Variants in TACR1 observed in about 807,000 individuals in gnomAD.
TACR1 encodes substance-P receptor.
Under a neutral mutation model 35.8 loss-of-function variants are expected in TACR1, and 25 were observed. The observed-to-expected ratio is 0.70, with a 90% CI of 0.51 to 0.98. TACR1 has a LOEUF of 0.98. Among genes scored for constraint, TACR1 ranks in the 50% least tolerant of loss-of-function variants. The pLI is 0.00. For synonymous variants in TACR1, 195 were observed against 206.7 expected, an observed-to-expected ratio of 0.94 and a Z score of 0.48; for missense variants, 478 against 522.9, an observed-to-expected ratio of 0.91 and a Z score of 0.84.
At chr2:75,147,134 T>C (rs1019277624) in intron 1 of TACR1, among the ~76,000 whole-genome samples, 2 of 152,348 alleles carry the variant, frequency 1.3e-5, no homozygotes, top group Admixed American at 6.5e-5. Context: ...ATTTTCCTGT[T>C]TGTCTAAGCA....
intron 2 of TACR1, among the ~76,000 whole-genome samples, chr2:75,071,804 C>T (rs1255875323): frequency 6.6e-6 from 1 of 152,150 alleles, no homozygotes; most frequent in Non-Finnish European, 1.5e-5. Flanking sequence ...AGTGCCTGCT[C>T]CATCAATGCT....
intron 1 of TACR1, among the ~76,000 whole-genome samples, chr2:75,186,628 A>T (rs1206636440): frequency 6.6e-6 from 1 of 150,878 alleles, no homozygotes; most frequent in Admixed American, 6.6e-5. Context: ...AATATTCAAT[A>T]GTAAGTTATT....
intron 2 of TACR1, among the ~76,000 whole-genome samples, chr2:75,093,718 A>T (rs907103654): frequency 6.6e-6 from 1 of 152,118 alleles, no homozygotes; most frequent in Non-Finnish European, 1.5e-5. Flanking sequence ...TGTTTGGCAG[A>T]TAGTCATTTA....
intron 3 of TACR1, among the ~76,000 whole-genome samples, chr2:75,052,884 G>A (rs570460336): frequency 1.3e-5 from 2 of 152,128 alleles, no homozygotes; most frequent in South Asian, 4.2e-4. Context: ...CTAATTGAAG[G>A]CCCTCGAGAA....
chr2:75,080,402 T>C (rs1673062456), intron 2 of TACR1, among the ~76,000 whole-genome samples: 3 of 152,174 alleles, frequency 2.0e-5, no homozygotes. Context: ...TCGCCATTGG[T>C]ATGCTCAAAA....
intron 1 of TACR1, among the ~76,000 whole-genome samples, chr2:75,190,587 T>C (rs1396304800): frequency 6.6e-6 from 1 of 152,242 alleles, no homozygotes; most frequent in Non-Finnish European, 1.5e-5. Context: ...GGCATAATAT[T>C]AATTACTATT....
chr2:75,175,493 A>G (rs1675390301), intron 1 of TACR1, among the ~76,000 whole-genome samples: 1 of 152,250 alleles, frequency 6.6e-6, no homozygotes, highest in Non-Finnish European at 1.5e-5. Flanking sequence ...ATGTCCTTGC[A>G]GAGACTCTAG....
At chr2:75,188,935 G>A (rs1180512677) in intron 1 of TACR1, 2 of 152,126 alleles carry the variant, frequency 1.3e-5, no homozygotes, top group East Asian at 3.8e-4. Context: ...AAAAAATCTG[G>A]CACATATTTT....
intron 2 of TACR1, among the ~76,000 whole-genome samples, chr2:75,114,290 A>G (rs1256383489): frequency 1.3e-5 from 2 of 152,260 alleles, no homozygotes; most frequent in African/African-American, 2.4e-5. Context: ...AAATTTAATT[A>G]TCAGAAAATG....
At chr2:75,050,916 G>A in intron 4 of TACR1, 1 of 343,456 alleles carries the variant, frequency 2.9e-6, no homozygotes, top group Non-Finnish European at 5.5e-6. Flanking sequence ...CTGGAGCCTG[G>A]ATCCAGCTTG....
At chr2:75,178,120 A>T (rs1217007610) in intron 1 of TACR1, among the ~76,000 whole-genome samples, 1 of 151,878 alleles carries the variant, frequency 6.6e-6, no homozygotes, top group East Asian at 1.9e-4. Flanking sequence ...CCATATGCTC[A>T]CTTAAAACCT....
chr2:75,126,980 T>G (rs1253518638), intron 1 of TACR1, among the ~76,000 whole-genome samples: 1 of 152,080 alleles, frequency 6.6e-6, no homozygotes, highest in Non-Finnish European at 1.5e-5. Context: ...TTTTGAAAAG[T>G]CAAAAAATAA....
chr2:75,114,363 A>G (rs916093449), intron 2 of TACR1, among the ~76,000 whole-genome samples: 14 of 152,104 alleles, frequency 9.2e-5, no homozygotes, highest in Non-Finnish European at 1.8e-4. Context: ...TCTAAATCTC[A>G]TTTTTTTGGA....
chr2:75,095,870 C>T (rs1673412136), intron 2 of TACR1, among the ~76,000 whole-genome samples: 2 of 152,166 alleles, frequency 1.3e-5, no homozygotes, highest in Admixed American at 1.3e-4. Flanking sequence ...TACAAGATGG[C>T]AGAGCCTCCA....
At chr2:75,198,236 A>G (rs907924396) in intron 1 of TACR1, among the ~76,000 whole-genome samples, 29 of 152,194 alleles carry the variant, frequency 1.9e-4, no homozygotes, top group African/African-American at 6.3e-4. Context: ...GAATATATGG[A>G]AAGGAGCAAA....
intron 2 of TACR1, among the ~76,000 whole-genome samples, chr2:75,087,973 C>T (rs1040893444): frequency 1.3e-5 from 2 of 152,174 alleles, no homozygotes; most frequent in South Asian, 4.1e-4. Context: ...TTTTGGAATC[C>T]TTCTAAGGAA....
intron 2 of TACR1, among the ~76,000 whole-genome samples, chr2:75,097,897 G>A (rs974740385): frequency 6.6e-6 from 1 of 152,112 alleles, no homozygotes; most frequent in Non-Finnish European, 1.5e-5. Context: ...TCTTTGAAAA[G>A]AAAAACATCC....
At chr2:75,124,631 T>C (rs1674038416) in intron 1 of TACR1, among the ~76,000 whole-genome samples, 1 of 152,236 alleles carries the variant, frequency 6.6e-6, no homozygotes, top group African/African-American at 2.4e-5. Context: ...GTGGTCCATA[T>C]AGTTTCAGTT....
At chr2:75,147,579 G>C (rs1363825700) in intron 1 of TACR1, among the ~76,000 whole-genome samples, 1 of 152,000 alleles carries the variant, frequency 6.6e-6, no homozygotes, top group Non-Finnish European at 1.5e-5. Context: ...CTGCTCCACA[G>C]GCCCCAGCAT....
Sources: gnomAD v4.1 joint callset for allele counts (sites outside exome capture counted in the v4.1 genomes callset) on GRCh38, gnomAD v4.1.1 for gene constraint, MANE v1.5 for transcripts, NCBI Gene and HGNC (gene_info 2026-07-23, HGNC 2026-07-21) for gene names.